LTBP1: variants seen among roughly 807,000 people sequenced by gnomAD.
LTBP1 encodes the protein latent transforming growth factor beta binding protein 1.
Under a neutral mutation model 207.6 loss-of-function variants are expected in LTBP1, and 129 were observed. The ratio of observed to expected loss-of-function variants is 0.62; its 90% CI spans 0.54 to 0.72. The LOEUF (loss-of-function observed/expected upper bound fraction) is 0.72, where lower values mean the gene tolerates loss of function less well. LTBP1 is among the 30% of genes least tolerant of loss of function. The probability of loss-of-function intolerance (pLI) is 0.00; values close to 1 mark genes in which losing one functional copy is unlikely to be tolerated. For missense variants in LTBP1, 2,281 were observed against 2,217.2 expected, an observed-to-expected ratio of 1.03 and a Z score of -0.58; for synonymous variants, 963 against 833.7, an observed-to-expected ratio of 1.16 and a Z score of -2.67.
chr2:32,958,631 A>G (rs1228882309), intron 2 of LTBP1, among the ~76,000 whole-genome samples: 2 of 152,228 alleles, frequency 1.3e-5, no homozygotes, highest in African/African-American at 4.8e-5. Flanking sequence ...GTTGAGTCGA[A>G]GTAGCATTTC....
At chr2:33,038,190 C>T (rs1003473757) in intron 3 of LTBP1, among the ~76,000 whole-genome samples, 1 of 152,184 alleles carries the variant, frequency 6.6e-6, no homozygotes, top group East Asian at 1.9e-4. Flanking sequence ...AACATAAAGG[C>T]GAACTTGTGG....
At chr2:33,243,935 G>T (rs1345663109) in intron 10 of LTBP1, 151 bp downstream of exon 10, 1 of 812,484 alleles carries the variant, frequency 1.2e-6, no homozygotes. Context: ...CCTGCCTGAT[G>T]TAGTAAAATA....
intron 7 of LTBP1, among the ~76,000 whole-genome samples, chr2:33,204,826 T>A (rs555176198): frequency 2.0e-5 from 3 of 152,232 alleles, no homozygotes; most frequent in Non-Finnish European, 4.4e-5. Context: ...AGGAGAAACA[T>A]GAAAAGTAGA....
chr2:33,115,117 CACAT>C (rs1165773602), intron 4 of LTBP1, among the ~76,000 whole-genome samples: 2 of 81,630 alleles, frequency 2.5e-5, no homozygotes, highest in African/African-American at 4.3e-5. Flanking sequence ...CACACACACA[CACAT>C]ATATATACAC....
chr2:33,153,251 T>A (rs1436892016), intron 5 of LTBP1, among the ~76,000 whole-genome samples: 3 of 152,174 alleles, frequency 2.0e-5, no homozygotes, highest in Non-Finnish European at 4.4e-5. Context: ...GCTTGACAAG[T>A]TTCATCAGAA....
chr2:33,329,856 C>G (rs1047607024), intron 24 of LTBP1, among the ~76,000 whole-genome samples: 1 of 151,992 alleles, frequency 6.6e-6, no homozygotes, highest in African/African-American at 2.4e-5. Flanking sequence ...ATTGTCACAG[C>G]TATTCTTGGC....
At chr2:33,197,852 C>T (rs1039553868) in intron 7 of LTBP1, among the ~76,000 whole-genome samples, 1 of 152,060 alleles carries the variant, frequency 6.6e-6, no homozygotes, top group Non-Finnish European at 1.5e-5. Flanking sequence ...GAACCTGCCT[C>T]GTAATCAGAC....
intron 3 of LTBP1, among the ~76,000 whole-genome samples, chr2:33,059,047 A>C (rs2077144214): frequency 6.6e-6 from 1 of 152,196 alleles, no homozygotes; most frequent in South Asian, 2.1e-4. Context: ...TCATTAAATT[A>C]AGTTTGTCTT....
intron 26 of LTBP1, among the ~76,000 whole-genome samples, chr2:33,353,347 C>T (rs1162914144): frequency 6.6e-6 from 1 of 152,146 alleles, no homozygotes; most frequent in Non-Finnish European, 1.5e-5. Context: ...ACCGAGTTGT[C>T]ACACATTCCC....
At chr2:33,302,333 G>A (rs1394333608) in intron 22 of LTBP1, among the ~76,000 whole-genome samples, 1 of 152,206 alleles carries the variant, frequency 6.6e-6, no homozygotes, top group Non-Finnish European at 1.5e-5. Context: ...CCTGTCAGTT[G>A]TGAAACCAGA....
Position 33,021,336 on chromosome 2 carries a change from T to G in LTBP1, c.863+130T>G, listed in dbSNP as rs142454518. 357 of 882,038 alleles carry G rather than the reference T, an allele frequency of 4.0e-4. 1 individual carries two copies. The African/African-American group carries it at 5.5e-3, about 14-fold the overall frequency. 54.6% of individuals were successfully genotyped at this position (882,038 alleles called of 1,614,324 possible). ...TTGGATAATAATGTTTTTCTTTCCT[T>G]TCTTAAGGCTTTACACGTTAGGCTT... On this transcript the variant is annotated intron_variant, in intron 3 of 33. Coordinates refer to ENST00000404816, the MANE Select transcript of LTBP1 (RefSeq NM_206943.4).
chr2:33,381,388 A>G (rs2095212981), intron 31 of LTBP1, among the ~76,000 whole-genome samples: 1 of 152,208 alleles, frequency 6.6e-6, no homozygotes, highest in African/African-American at 2.4e-5. Context: ...GGGAGTAACT[A>G]AAATGAGGAG....
Position 32,948,919 on chromosome 2 carries a change from C to T in LTBP1, c.539C>T (p.Ala180Val), listed in dbSNP as rs776261971. Reference protein sequence around the residue: ...GGRCCHGWSKAPGSQRCTKPS... With the variant: ...GGRCCHGWSKVPGSQRCTKPS... ...CGGTGCTGTCATGGCTGGAGTAAGG[C>T]CCCTGGCTCCCAGAGGTGCACCAAA... Residue 180 changes from alanine to valine, a missense_variant, in exon 2 of 34, where the codon GCC becomes GTC. Coordinates refer to ENST00000404816, the MANE Select transcript of LTBP1 (RefSeq NM_206943.4). The T allele has an allele frequency of 6.2e-7, 1 of 1,614,086 alleles. No homozygotes were observed. The highest frequency in any genetic ancestry group is 2.2e-5 in the East Asian group (1 of 44,872).
At chr2:33,372,648 C>CA (rs2095083704) in intron 31 of LTBP1, among the ~76,000 whole-genome samples, 1 of 152,166 alleles carries the variant, frequency 6.6e-6, no homozygotes, top group Non-Finnish European at 1.5e-5. Context: ...CAGAGGTGGG[C>CA]AGATCACTTA....
intron 3 of LTBP1, among the ~76,000 whole-genome samples, chr2:33,046,724 T>C (rs955110210): frequency 6.6e-6 from 1 of 152,224 alleles, no homozygotes; most frequent in Non-Finnish European, 1.5e-5. Context: ...AGAATTTAGC[T>C]GTGAATCTGT....
chr2:33,171,443 A>C (rs567504881), intron 5 of LTBP1, among the ~76,000 whole-genome samples: 1 of 149,382 alleles, frequency 6.7e-6, no homozygotes, highest in African/African-American at 2.5e-5. Context: ...TGAAGCGAGA[A>C]GGGAAGTTTA....
chr2:32,962,960 C>A (rs2148458148), intron 2 of LTBP1, among the ~76,000 whole-genome samples: 1 of 152,370 alleles, frequency 6.6e-6, no homozygotes, highest in African/African-American at 2.4e-5. Context: ...GAACCCATCT[C>A]CTCCTCCCTT....
At chr2:32,968,815 C>T (rs771763403) in intron 2 of LTBP1, among the ~76,000 whole-genome samples, 7 of 151,358 alleles carry the variant, frequency 4.6e-5, no homozygotes, top group Non-Finnish European at 8.8e-5. Context: ...CCTCCACCTC[C>T]TGGGCTGAAG....
intron 32 of LTBP1, 36 bp from the exon 33 acceptor site, chr2:33,397,097 G>C: frequency 6.3e-7 from 1 of 1,595,446 alleles, no homozygotes; most frequent in Non-Finnish European, 8.6e-7. Context: ...AGGAAGTTGA[G>C]AAGCTCTAAC....
Sources: gnomAD v4.1 joint callset for allele counts (sites outside exome capture counted in the v4.1 genomes callset) on GRCh38, gnomAD v4.1.1 for gene constraint, MANE v1.5 for transcripts, NCBI Gene and HGNC (gene_info 2026-07-23, HGNC 2026-07-21) for gene names.